Variants in CCDC7 observed in about 807,000 individuals in gnomAD.
The protein encoded by CCDC7 is coiled-coil domain containing 7.
CCDC7 carries 183 observed loss-of-function variants against 196.9 expected under a neutral mutation model. The observed-to-expected ratio is 0.93, with a 90% CI of 0.82 to 1.05. The LOEUF is 1.05. Among genes scored for constraint, CCDC7 ranks in the 50% least tolerant of loss-of-function variants. The probability of loss-of-function intolerance (pLI) is 0.00; values close to 1 mark genes in which losing one functional copy is unlikely to be tolerated. For synonymous variants in CCDC7, 525 were observed against 484.6 expected (o/e 1.08, Z -1.10); for missense variants, 1,540 against 1,482.2 (o/e 1.04, Z -0.64).
intron 18 of CCDC7, among the ~76,000 whole-genome samples, chr10:32,592,305 G>A (rs2137882284): frequency 6.6e-6 from 1 of 151,640 alleles, no homozygotes; most frequent in South Asian, 2.1e-4. Flanking sequence ...TGATTTCATG[G>A]ATTTTACCTA....
chr10:32,472,540 A>G, exon 7 of CCDC7: 4 of 1,575,038 alleles, frequency 2.5e-6, no homozygotes, highest in Non-Finnish European at 2.6e-6. Flanking sequence ...CAGAAAATTG[A>G]AGGTGATAAT....
chr10:32,548,263 C>G (rs200095843), intron 13 of CCDC7, among the ~76,000 whole-genome samples: 1 of 152,030 alleles, frequency 6.6e-6, no homozygotes, highest in Non-Finnish European at 1.5e-5. Flanking sequence ...AAGCTAATTC[C>G]GATTGGCTAT....
chr10:32,680,771 C>T (rs1246178600), intron 21 of CCDC7, among the ~76,000 whole-genome samples: 4 of 152,188 alleles, frequency 2.6e-5, no homozygotes, highest in Non-Finnish European at 4.4e-5. Context: ...AAAAAATGTA[C>T]TTCTTTCCCA....
At chr10:32,456,935 G>A (rs534549384) in intron 3 of CCDC7, among the ~76,000 whole-genome samples, 1 of 151,948 alleles carries the variant, frequency 6.6e-6, no homozygotes, top group African/African-American at 2.4e-5. Context: ...CATACAATGG[G>A]TAGTGGTCAA....
At position 32,715,071 on chromosome 10, in the gene CCDC7, G is replaced by A. The variant is rs546892463; in HGVS notation, c.2569+3341G>A. Among the ~76,000 whole-genome samples the A allele has an allele frequency of 5.3e-5, 8 of 152,338 alleles. No individual in the cohort carries two copies. In the South Asian group the frequency reaches 1.4e-3, roughly 28 times the overall value. ...GCTAAGGGACAGACTGCCTCCTCAA[G>A]TGGGTCCCTGACCCCAGTGCCTCCT... On this transcript the variant is annotated intron_variant, in intron 25 of 41. Transcript: ENST00000639629.
chr10:32,745,035 A>G (rs1171686116), intron 28 of CCDC7, among the ~76,000 whole-genome samples: 1 of 152,188 alleles, frequency 6.6e-6, no homozygotes, highest in East Asian at 1.9e-4. Flanking sequence ...TTTATTGCAT[A>G]TGGATGACTT....
intron 21 of CCDC7, among the ~76,000 whole-genome samples, chr10:32,671,950 C>A (rs956598167): frequency 2.0e-5 from 3 of 152,178 alleles, no homozygotes; most frequent in Admixed American, 2.0e-4. Context: ...TATTAAAGTT[C>A]TTCTGATTTC....
chr10:32,677,374 A>G (rs1298085365), intron 21 of CCDC7, among the ~76,000 whole-genome samples: 1 of 152,138 alleles, frequency 6.6e-6, no homozygotes, highest in Non-Finnish European at 1.5e-5. Context: ...ATAATAATAA[A>G]AAAAAAGAAT....
intron 18 of CCDC7, among the ~76,000 whole-genome samples, chr10:32,587,154 A>T (rs899268788): frequency 6.6e-5 from 10 of 152,216 alleles, no homozygotes; most frequent in African/African-American, 2.2e-4. Context: ...CATCACTAAC[A>T]TCTATTTCCA....
intron 11 of CCDC7, among the ~76,000 whole-genome samples, chr10:32,519,146 C>G (rs1045441844): frequency 4.6e-5 from 7 of 152,230 alleles, no homozygotes; most frequent in African/African-American, 1.7e-4. Flanking sequence ...AAGGAGTAGT[C>G]TTACACAGGT....
chr10:32,656,328 G>A (rs1362757859), intron 20 of CCDC7, among the ~76,000 whole-genome samples: 1 of 152,144 alleles, frequency 6.6e-6, no homozygotes, highest in Non-Finnish European at 1.5e-5. Context: ...GACAAGATGT[G>A]GAATCAACTT....
chr10:32,791,860 A>G (rs956026675), intron 29 of CCDC7, among the ~76,000 whole-genome samples: 1 of 152,206 alleles, frequency 6.6e-6, no homozygotes, highest in Non-Finnish European at 1.5e-5. Flanking sequence ...ATGGATGTCT[A>G]GATCCATGAA....
At chr10:32,495,088 T>C (rs1305993113) in intron 9 of CCDC7, among the ~76,000 whole-genome samples, 3 of 152,240 alleles carry the variant, frequency 2.0e-5, no homozygotes, top group African/African-American at 7.2e-5. Context: ...ATCGCCATTC[T>C]AACTGGCATG....
chr10:32,870,774 A>G (rs560430515), intron 41 of CCDC7, among the ~76,000 whole-genome samples: 107 of 152,306 alleles, frequency 7.0e-4, no homozygotes, highest in African/African-American at 2.5e-3. Context: ...ACATCCCATC[A>G]ATACCTAATT....
chr10:32,770,698 T>G (rs1338318312), intron 28 of CCDC7, among the ~76,000 whole-genome samples: 1 of 152,166 alleles, frequency 6.6e-6, no homozygotes, highest in Non-Finnish European at 1.5e-5. Context: ...ATCTTTTGAG[T>G]GTTATCAGTG....
chr10:32,846,546 T>C (rs918346881), intron 37 of CCDC7, 87 bp downstream of exon 38: 2 of 758,916 alleles, frequency 2.6e-6, no homozygotes, highest in East Asian at 2.5e-5. Context: ...ATGACAATAG[T>C]GCCTACATGT....
At chr10:32,710,764 G>T (rs2080688928) in intron 24 of CCDC7, among the ~76,000 whole-genome samples, 1 of 152,132 alleles carries the variant, frequency 6.6e-6, no homozygotes, top group Non-Finnish European at 1.5e-5. Context: ...TTCCAGAAAG[G>T]CATTGTGCTT....
intron 9 of CCDC7, chr10:32,514,632 A>G (rs1312706629): frequency 6.6e-6 from 1 of 152,218 alleles, no homozygotes; most frequent in Admixed American, 6.5e-5. Context: ...AAACAAATAC[A>G]CTAACTATGA....
chr10:32,646,120 GTTTA>G (rs1354382628), intron 20 of CCDC7, among the ~76,000 whole-genome samples: 3 of 145,172 alleles, frequency 2.1e-5, no homozygotes, highest in Non-Finnish European at 4.6e-5. Context: ...ATGTTAGGTT[GTTTA>G]TTTGAGTTCT....
Sources: gnomAD v4.1 joint callset for allele counts (sites outside exome capture counted in the v4.1 genomes callset) on GRCh38, gnomAD v4.1.1 for gene constraint, MANE v1.5 for transcripts, NCBI Gene and HGNC (gene_info 2026-07-23, HGNC 2026-07-21) for gene names.